Variants in PCDH11X observed in about 807,000 individuals in gnomAD.
PCDH11X encodes protocadherin-11 X-linked.
Under a neutral mutation model 53.3 loss-of-function variants are expected in PCDH11X, and 18 were observed. The observed-to-expected ratio is 0.34, with a 90% confidence interval of 0.23 to 0.50. The LOEUF (loss-of-function observed/expected upper bound fraction) is 0.50, where lower values mean the gene tolerates loss of function less well. Among genes scored for constraint, PCDH11X ranks in the 20% least tolerant of loss-of-function variants. The pLI, the probability that PCDH11X is intolerant of heterozygous loss-of-function variation, is 0.98. For missense variants in PCDH11X, 570 were observed against 1,032.4 expected (o/e 0.55, Z 6.14); for synonymous variants, 279 against 393.3 (o/e 0.71, Z 3.44).
chrX:91,801,160 A>G (rs2147539905), intron 1 of PCDH11X, among the ~76,000 whole-genome samples: 1 of 91,189 alleles, frequency 1.1e-5, no homozygotes, highest in African/African-American at 4.1e-5. Context: ...AGCCTGGGCA[A>G]CAGAACAAGA....
chrX:92,069,795 C>A (rs183315228), intron 6 of PCDH11X, among the ~76,000 whole-genome samples: 53 of 111,560 alleles, frequency 4.8e-4, no homozygotes, highest in African/African-American at 1.7e-3. Context: ...GATTATCTTG[C>A]CTCAGCCCCG....
At chrX:92,418,913 G>A (rs773511249) in intron 9 of PCDH11X, among the ~76,000 whole-genome samples, 2 of 106,600 alleles carry the variant, frequency 1.9e-5, no homozygotes, top group East Asian at 3.0e-4. Context: ...CAGTGCTTTC[G>A]TTGCATCTTA....
At chrX:92,218,217 A>C (rs2066766122) in intron 7 of PCDH11X, among the ~76,000 whole-genome samples, 1 of 110,740 alleles carries the variant, frequency 9.0e-6, no homozygotes, top group South Asian at 3.8e-4. Context: ...TGAAGGAAAT[A>C]GAGACACATA....
chrX:91,917,772 C>T lies in PCDH11X; in HGVS notation c.3033+38499C>T, dbSNP rs548868211. Among the ~76,000 whole-genome samples, 22 of 107,487 alleles carry T rather than the reference C, an allele frequency of 2.0e-4. No individual in the cohort carries two copies. The South Asian group carries it at 7.4e-3, about 36-fold the overall frequency. The allele number at this position is 107,487 out of a possible 115,157, so 93.3% of individuals were successfully genotyped here. On this transcript the variant is annotated intron_variant, in intron 6 of 10. Coordinates refer to ENST00000682573, the MANE Select transcript of PCDH11X (RefSeq NM_032968.5). ...CCAAAAGCAATCTACAGATTCAATG[C>T]CATTCCCATCAAAGTGCCATAATCA... is the stretch of plus-strand genomic sequence containing the variant.
chrX:92,278,510 G>A (rs985386034), intron 8 of PCDH11X, among the ~76,000 whole-genome samples: 2 of 110,711 alleles, frequency 1.8e-5, no homozygotes, highest in Non-Finnish European at 3.8e-5. Context: ...ATTTGGGAAG[G>A]CAATGGAAAA....
At chrX:92,129,988 GCA>G (rs1384918651) in intron 6 of PCDH11X, among the ~76,000 whole-genome samples, 3 of 111,105 alleles carry the variant, frequency 2.7e-5, no homozygotes, top group Admixed American at 1.9e-4. Flanking sequence ...ACACGCACAT[GCA>G]CACACACACA....
intron 6 of PCDH11X, among the ~76,000 whole-genome samples, chrX:92,189,680 A>C (rs2066159548): frequency 8.9e-6 from 1 of 112,058 alleles, no homozygotes; most frequent in Admixed American, 9.5e-5. Flanking sequence ...CACTCCTACC[A>C]ACAGTGTAAA....
intron 7 of PCDH11X, among the ~76,000 whole-genome samples, chrX:92,232,490 A>G (rs1396339201): frequency 8.9e-6 from 1 of 111,747 alleles, no homozygotes; most frequent in Non-Finnish European, 1.9e-5. Context: ...TTTGCTAGAA[A>G]TATAAATATC....
intron 10 of PCDH11X, among the ~76,000 whole-genome samples, chrX:92,553,482 C>T (rs7879916): frequency 0.046 from 5,038 of 109,656 alleles, 316 homozygotes; most frequent in African/African-American, 0.16. Flanking sequence ...ATTAGTCAGT[C>T]TAGCTAAAAG....
chrX:92,505,200 A>T (rs1319894835), intron 10 of PCDH11X, among the ~76,000 whole-genome samples: 2 of 34,974 alleles, frequency 5.7e-5, no homozygotes, highest in African/African-American at 2.9e-4. Context: ...ACTTTAGTTT[A>T]ATTAAGTCAC....
chrX:91,909,781 G>T (rs1253818216), intron 6 of PCDH11X, among the ~76,000 whole-genome samples: 2 of 110,491 alleles, frequency 1.8e-5, no homozygotes, highest in East Asian at 5.7e-4. Flanking sequence ...TTTTTTCTCG[G>T]ATTTATTGAG....
At chrX:92,040,014 A>T (rs188837343) in intron 6 of PCDH11X, among the ~76,000 whole-genome samples, 100 of 108,499 alleles carry the variant, frequency 9.2e-4, no homozygotes, top group African/African-American at 3.4e-3. Flanking sequence ...AGAAATAGGG[A>T]CCTCACAACT....
intron 6 of PCDH11X, among the ~76,000 whole-genome samples, chrX:92,159,247 C>T (rs1255875182): frequency 2.7e-5 from 3 of 110,268 alleles, no homozygotes; most frequent in Non-Finnish European, 5.7e-5. Flanking sequence ...TAGAATCTCT[C>T]GGTCTGCTGT....
intron 5 of PCDH11X, among the ~76,000 whole-genome samples, chrX:91,846,004 A>C (rs745741167): frequency 5.0e-4 from 56 of 111,653 alleles, no homozygotes; most frequent in African/African-American, 1.7e-3. Context: ...GATGTTTTGT[A>C]AATTGTAATC....
intron 9 of PCDH11X, among the ~76,000 whole-genome samples, chrX:92,434,270 G>T (rs1192860087): frequency 1.8e-5 from 2 of 108,486 alleles, no homozygotes; most frequent in Non-Finnish European, 3.8e-5. Flanking sequence ...TTAATGAAAA[G>T]AACACAAATG....
chrX:92,108,419 A>C (rs2148151778), intron 6 of PCDH11X, among the ~76,000 whole-genome samples: 1 of 112,212 alleles, frequency 8.9e-6, no homozygotes, highest in South Asian at 3.7e-4. Context: ...ACAGTGAAAT[A>C]AATTTTTGGT....
intron 6 of PCDH11X, among the ~76,000 whole-genome samples, chrX:92,166,970 G>C (rs2065743051): frequency 9.1e-6 from 1 of 110,341 alleles, no homozygotes. Flanking sequence ...GTCACCAATA[G>C]CTGTAAACTG....
intron 8 of PCDH11X, among the ~76,000 whole-genome samples, chrX:92,285,775 G>A (rs113126766): frequency 0.025 from 2,742 of 111,342 alleles, 75 homozygotes; most frequent in African/African-American, 0.085. Flanking sequence ...AGTTAAAGAC[G>A]CACACACAGA....
At chrX:92,565,793 T>C (rs2148767536) in intron 10 of PCDH11X, among the ~76,000 whole-genome samples, 1 of 103,823 alleles carries the variant, frequency 9.6e-6, no homozygotes, top group South Asian at 4.6e-4. Context: ...AATAGTATAA[T>C]TGGATTGTTT....
Sources: gnomAD v4.1 joint callset for allele counts (sites outside exome capture counted in the v4.1 genomes callset) on GRCh38, gnomAD v4.1.1 for gene constraint, MANE v1.5 for transcripts, NCBI Gene and HGNC (gene_info 2026-07-23, HGNC 2026-07-21) for gene names.